KATNAL2: variants seen among roughly 807,000 people sequenced by gnomAD.
KATNAL2 encodes the protein katanin p60 ATPase-containing subunit A-like 2.
In KATNAL2, 52 loss-of-function variants were observed where a neutral mutation model predicts 76.3. That is an observed-to-expected ratio of 0.68 (90% CI 0.55 to 0.86). The LOEUF is 0.86. KATNAL2 is among the 40% of genes least tolerant of loss of function. The pLI, the probability that KATNAL2 is intolerant of heterozygous loss-of-function variation, is 0.00. For missense variants in KATNAL2, 660 were observed against 668.9 expected (o/e 0.99, Z 0.15); for synonymous variants, 243 against 244.2 (o/e 1.00, Z 0.05).
chr18:46,922,522 G>T (rs938239204), intron 1 of KATNAL2, among the ~76,000 whole-genome samples: 1 of 151,780 alleles, frequency 6.6e-6, no homozygotes, highest in Non-Finnish European at 1.5e-5. Flanking sequence ...GGCTGGGCGC[G>T]GTGGCTCACA....
chr18:46,941,165 A>T (rs1425483078), intron 1 of KATNAL2, among the ~76,000 whole-genome samples: 1 of 152,128 alleles, frequency 6.6e-6, no homozygotes, highest in Non-Finnish European at 1.5e-5. Flanking sequence ...CTCTAATAAA[A>T]ATACAAAAAT....
chr18:46,944,100 C>T (rs1473255317), intron 1 of KATNAL2, among the ~76,000 whole-genome samples: 2 of 152,184 alleles, frequency 1.3e-5, no homozygotes, highest in Non-Finnish European at 2.9e-5. Context: ...GTACTAGTTA[C>T]TTGATATGGC....
chr18:47,043,367 C>G (rs895312977), intron 3 of KATNAL2, among the ~76,000 whole-genome samples: 11 of 152,072 alleles, frequency 7.2e-5, no homozygotes, highest in African/African-American at 1.2e-4. Flanking sequence ...CACTTTCAGG[C>G]ATACGAATTC....
intron 13 of KATNAL2, among the ~76,000 whole-genome samples, chr18:47,071,953 C>CTTCT (rs2062020721): frequency 1.4e-4 from 6 of 43,956 alleles, no homozygotes; most frequent in African/African-American, 2.4e-4. Flanking sequence ...CCAATTTCTT[C>CTTCT]TTTTTTTTTT....
intron 15 of KATNAL2, among the ~76,000 whole-genome samples, chr18:47,092,889 T>A (rs1465651823): frequency 6.6e-6 from 1 of 152,238 alleles, no homozygotes; most frequent in Admixed American, 6.5e-5. Flanking sequence ...AATTTTTTTT[T>A]AGGCCTCACA....
chr18:47,032,796 C>T (rs534797719), intron 3 of KATNAL2: 1 of 868,028 alleles, frequency 1.2e-6, no homozygotes, highest in Non-Finnish European at 1.7e-6. Flanking sequence ...CTTCTGAATT[C>T]TGAGGTGTTC....
chr18:46,961,781 T>G (rs1410598648), intron 3 of KATNAL2, among the ~76,000 whole-genome samples: 1 of 152,102 alleles, frequency 6.6e-6, no homozygotes, highest in Non-Finnish European at 1.5e-5. Flanking sequence ...GCCAGTCTAT[T>G]TTGATAAATG....
At chr18:47,057,987 G>C (rs2147123805) in intron 6 of KATNAL2, among the ~76,000 whole-genome samples, 1 of 152,288 alleles carries the variant, frequency 6.6e-6, no homozygotes, top group East Asian at 1.9e-4. Context: ...GGTGTGAAAG[G>C]GAAATGAAGA....
chr18:47,053,627 G>A (rs2061395535), intron 5 of KATNAL2, among the ~76,000 whole-genome samples: 1 of 152,198 alleles, frequency 6.6e-6, no homozygotes, highest in African/African-American at 2.4e-5. Flanking sequence ...GTAAGTGGGG[G>A]AAGTAATTAT....
chr18:46,946,712 T>G, intron 2 of KATNAL2, 142 bp from the exon 3 acceptor site: 1 of 1,066,088 alleles, frequency 9.4e-7, no homozygotes, highest in Non-Finnish European at 1.3e-6. Flanking sequence ...TTGATTGGCA[T>G]GTTAAAGAAT....
At chr18:47,035,563 G>T in intron 3 of KATNAL2, 1 of 605,614 alleles carries the variant, frequency 1.7e-6, no homozygotes, top group Non-Finnish European at 2.9e-6. Context: ...TGGTGCCAGA[G>T]CTGGGCCTTA....
At chr18:47,050,762 A>G (rs565540029) in intron 4 of KATNAL2, among the ~76,000 whole-genome samples, 9 of 152,256 alleles carry the variant, frequency 5.9e-5, no homozygotes, top group Non-Finnish European at 1.2e-4. Flanking sequence ...AGCAGAGGAT[A>G]GATTACTGTG....
At chr18:47,044,325 G>T (rs1450761662) in intron 3 of KATNAL2, among the ~76,000 whole-genome samples, 2 of 152,212 alleles carry the variant, frequency 1.3e-5, no homozygotes, top group Non-Finnish European at 2.9e-5. Context: ...GGGGCTGGGG[G>T]CAGGGGAGAT....
intron 15 of KATNAL2, 93 bp from the exon 16 acceptor site, chr18:47,099,150 C>T: frequency 1.6e-6 from 2 of 1,281,432 alleles, no homozygotes; most frequent in South Asian, 1.4e-5. Flanking sequence ...TGCAGAATTG[C>T]TTCCTGCAAT....
intron 3 of KATNAL2, among the ~76,000 whole-genome samples, chr18:46,950,816 C>T (rs1436944064): frequency 6.6e-6 from 1 of 152,054 alleles, no homozygotes; most frequent in African/African-American, 2.4e-5. Flanking sequence ...TCCTGAGTAG[C>T]TGGGGCTACA....
chr18:47,083,042 T>C (rs1382634061), intron 15 of KATNAL2, among the ~76,000 whole-genome samples: 1 of 152,224 alleles, frequency 6.6e-6, no homozygotes. Context: ...TCCTTCCCTG[T>C]TGAACATATA....
intron 3 of KATNAL2, among the ~76,000 whole-genome samples, chr18:46,957,417 G>A (rs1472747294): frequency 1.3e-5 from 2 of 151,584 alleles, no homozygotes; most frequent in African/African-American, 2.4e-5. Context: ...ACCTCACCCG[G>A]CTAATTTTTT....
intron 3 of KATNAL2, among the ~76,000 whole-genome samples, chr18:46,951,529 T>C (rs2059556072): frequency 6.6e-6 from 1 of 151,864 alleles, no homozygotes; most frequent in East Asian, 1.9e-4. Flanking sequence ...AGGAAATCCC[T>C]TCCTCCCTTC....
At chr18:46,929,595 C>T (rs2058843084) in intron 1 of KATNAL2, among the ~76,000 whole-genome samples, 1 of 152,076 alleles carries the variant, frequency 6.6e-6, no homozygotes, top group Admixed American at 6.6e-5. Flanking sequence ...GAATAGACCC[C>T]AACTTATCCT....
Sources: allele counts gnomAD v4.1 joint callset (sites outside exome capture counted in the v4.1 genomes callset), GRCh38; gene constraint gnomAD v4.1.1; transcripts MANE v1.5; gene names NCBI Gene and HGNC (gene_info 2026-07-23, HGNC 2026-07-21).